Variants in SGCD observed in about 807,000 individuals in gnomAD.
SGCD encodes delta-sarcoglycan.
SGCD carries 18 observed loss-of-function variants against 36.6 expected under a neutral mutation model. The ratio of observed to expected loss-of-function variants is 0.49; its 90% confidence interval spans 0.34 to 0.73. SGCD has a LOEUF of 0.73. Among genes scored for constraint, SGCD ranks in the 30% least tolerant of loss-of-function variants. The pLI is 0.01. For missense variants in SGCD, 387 were observed against 346.7 expected (o/e 1.12, Z -0.92); for synonymous variants, 133 against 130.6 (o/e 1.02, Z -0.12).
At chr5:156,541,904 T>C (rs1275120901) in intron 4 of SGCD, among the ~76,000 whole-genome samples, 1 of 152,156 alleles carries the variant, frequency 6.6e-6, no homozygotes, top group Non-Finnish European at 1.5e-5. Context: ...CCCCACAACA[T>C]TATACTATTT....
At chr5:156,511,502 G>C (rs754742627) in intron 4 of SGCD, among the ~76,000 whole-genome samples, 4 of 152,178 alleles carry the variant, frequency 2.6e-5, no homozygotes, top group Non-Finnish European at 5.9e-5. Context: ...TTGGTTTCCT[G>C]TTGCATCTGG....
chr5:155,951,685 G>A (rs1757551349), intron 1 of SGCD, among the ~76,000 whole-genome samples: 2 of 152,242 alleles, frequency 1.3e-5, no homozygotes, highest in African/African-American at 2.4e-5. Flanking sequence ...TAAAAGTGGA[G>A]ATAGGCTATG....
At chr5:155,881,963 G>T (rs897394786) in intron 1 of SGCD, among the ~76,000 whole-genome samples, 1 of 152,040 alleles carries the variant, frequency 6.6e-6, no homozygotes, top group African/African-American at 2.4e-5. Flanking sequence ...TAATTCTCTT[G>T]CTGTTGCTAC....
chr5:156,222,119 T>C (rs1764731268), intron 3 of SGCD, among the ~76,000 whole-genome samples: 1 of 152,056 alleles, frequency 6.6e-6, no homozygotes, highest in Admixed American at 6.6e-5. Flanking sequence ...AGTTCTGCTC[T>C]TTTCATTAAC....
At chr5:156,059,343 G>C (rs893665328) in intron 1 of SGCD, among the ~76,000 whole-genome samples, 3 of 146,524 alleles carry the variant, frequency 2.0e-5, no homozygotes, top group African/African-American at 7.4e-5. Flanking sequence ...TGTATTGTGA[G>C]AGAAGGCATT....
intron 7 of SGCD, among the ~76,000 whole-genome samples, chr5:156,703,314 A>C (rs929114614): frequency 1.1e-4 from 16 of 152,256 alleles, no homozygotes; most frequent in Middle Eastern, 6.8e-3. Context: ...TTTAGAATCT[A>C]TAGTGGGTGC....
intron 1 of SGCD, among the ~76,000 whole-genome samples, chr5:156,023,473 G>T (rs1759154597): frequency 1.3e-5 from 2 of 152,154 alleles, no homozygotes; most frequent in South Asian, 4.1e-4. Context: ...AGATTGAGTA[G>T]GTATGTCAGT....
At chr5:156,118,245 G>A (rs1466224930) in intron 2 of SGCD, among the ~76,000 whole-genome samples, 3 of 152,088 alleles carry the variant, frequency 2.0e-5, no homozygotes, top group Admixed American at 2.0e-4. Context: ...GTGTGTTGGT[G>A]CACTGGCATG....
At chr5:156,534,679 T>A (rs1453905138) in intron 4 of SGCD, among the ~76,000 whole-genome samples, 2 of 152,164 alleles carry the variant, frequency 1.3e-5, no homozygotes, top group African/African-American at 4.8e-5. Flanking sequence ...GTGTGAAGCT[T>A]GGTTTTGCTT....
At position 156,564,582 on chromosome 5, in the gene SGCD, A is replaced by T. The variant is rs140587215; in HGVS notation, c.295-24649A>T. ...ACGCTCAGTGTTCAATGTCACCATC[A>T]TCTCTCCACAGAACTCTTTTCATCT... is the stretch of plus-strand genomic sequence containing the variant. On this transcript the variant is annotated intron_variant, in intron 4 of 8. Coordinates refer to ENST00000337851, the MANE Select transcript of SGCD (RefSeq NM_000337.6). Among the ~76,000 whole-genome samples the T allele has an allele frequency of 2.6e-5, 4 of 152,320 alleles. No homozygotes were observed. In the East Asian group the frequency reaches 7.7e-4, roughly 29 times the overall value.
chr5:155,825,730 T>TTG, the SGCD span, among the ~76,000 whole-genome samples: 3 of 17,792 alleles, frequency 1.7e-4, no homozygotes, highest in East Asian at 1.7e-3. Flanking sequence ...TATTATTTGT[T>TTG]TTTTTTTTTT....
intron 3 of SGCD, among the ~76,000 whole-genome samples, chr5:156,439,144 T>G (rs1038481229): frequency 2.0e-5 from 3 of 152,112 alleles, no homozygotes; most frequent in African/African-American, 7.2e-5. Flanking sequence ...CAGGCACTAT[T>G]CCAAGGACCT....
chr5:156,263,361 G>A lies in SGCD; in HGVS notation c.-43-66173G>A, dbSNP rs145537383. 2.6e-3 allele frequency among the ~76,000 whole-genome samples: 395 copies of A among 152,210 alleles called. 2 individuals are homozygous for A. Among genetic ancestry groups the A allele is most frequent in the African/African-American group, 9.1e-3 (380 of 41,550 alleles). ...TTTCTCTGATCATTAGTGATATTGA[G>A]CATTTTTTCATATGTTTGTTGGCCA... On this transcript the variant is annotated intron_variant, in intron 3 of 9. Transcript: ENST00000517913.
chr5:156,567,851 G>A lies in SGCD; in HGVS notation c.295-21380G>A, dbSNP rs150972223. Among the ~76,000 whole-genome samples the A allele has an allele frequency of 3.5e-4, 54 of 152,208 alleles. 1 individual carries two copies. Among genetic ancestry groups the A allele is most frequent in the African/African-American group, 1.2e-3 (49 of 41,512 alleles). On this transcript the variant is annotated intron_variant, in intron 4 of 8. Coordinates refer to ENST00000337851, the MANE Select transcript of SGCD (RefSeq NM_000337.6). ...ATTGTGGTCAGTCCGTGATGGATGC[G>A]GGATGATGACAGTGATATGATCTTT...
intron 3 of SGCD, among the ~76,000 whole-genome samples, chr5:156,129,264 A>G (rs1195796417): frequency 1.3e-5 from 2 of 152,226 alleles, no homozygotes; most frequent in Non-Finnish European, 2.9e-5. Context: ...CTTTAAATGC[A>G]TAAACTCATT....
At chr5:156,757,469 A>T in intron 7 of SGCD, 112 bp from the exon 8 acceptor site, 1 of 706,252 alleles carries the variant, frequency 1.4e-6, no homozygotes, top group South Asian at 2.4e-5. Context: ...ACTTTAAAAA[A>T]TTCTCTGATC....
At chr5:156,465,513 C>A (rs972797145) in intron 3 of SGCD, among the ~76,000 whole-genome samples, 1 of 152,138 alleles carries the variant, frequency 6.6e-6, no homozygotes, top group Admixed American at 6.6e-5. Flanking sequence ...TAAGTACAAA[C>A]GCACAGCACA....
chr5:156,682,200 T>C (rs1467421068), intron 7 of SGCD, among the ~76,000 whole-genome samples: 1 of 152,222 alleles, frequency 6.6e-6, no homozygotes, highest in Non-Finnish European at 1.5e-5. Flanking sequence ...AGAATGTCAC[T>C]GTAAATAAAA....
At chr5:156,711,600 C>T (rs1452548955) in intron 7 of SGCD, among the ~76,000 whole-genome samples, 1 of 152,180 alleles carries the variant, frequency 6.6e-6, no homozygotes, top group Non-Finnish European at 1.5e-5. Context: ...AAGGTTGACC[C>T]CAGGCACTGA....
Sources: allele counts gnomAD v4.1 joint callset (sites outside exome capture counted in the v4.1 genomes callset), GRCh38; gene constraint gnomAD v4.1.1; transcripts MANE v1.5; gene names NCBI Gene and HGNC (gene_info 2026-07-23, HGNC 2026-07-21).